The following NELL1 variants were observed in gnomAD, a reference collection of about 807,000 sequenced individuals.
NELL1 encodes the protein neural EGFL like 1, also known as protein kinase C-binding protein NELL1.
Under a neutral mutation model 107.4 loss-of-function variants are expected in NELL1, and 76 were observed. That is an observed-to-expected ratio of 0.71 (90% CI 0.59 to 0.86). The LOEUF (loss-of-function observed/expected upper bound fraction) is 0.86. Ranked by LOEUF, NELL1 falls within the 40% of genes least tolerant of loss-of-function variation. The pLI, the probability that NELL1 is intolerant of heterozygous loss-of-function variation, is 0.00. For missense variants in NELL1, 1,024 were observed against 1,005.5 expected, an observed-to-expected ratio of 1.02 and a Z score of -0.25; for synonymous variants, 353 against 341.2, an observed-to-expected ratio of 1.03 and a Z score of -0.38.
intron 3 of NELL1, among the ~76,000 whole-genome samples, chr11:20,797,564 T>G (rs1440194770): frequency 5.3e-5 from 1 of 18,752 alleles, no homozygotes. Context: ...AGACTCCATC[T>G]CAAAAAAAAA....
rs1489825676 is a variant in NELL1 at position 20,717,909 on chromosome 11, C to T, written c.184+39849C>T. 2.0e-5 allele frequency among the ~76,000 whole-genome samples: 3 copies of T among 152,118 alleles called. No individual in the cohort carries two copies. The East Asian group carries it at 5.8e-4, about 29-fold the overall frequency. Reference sequence around the variant, plus strand: ...AGTGCATATGTTGGTGTTAGTGTAGCCCCTGTCACAATATTAACTTGTAGT... The same window carrying T: ...AGTGCATATGTTGGTGTTAGTGTAGTCCCTGTCACAATATTAACTTGTAGT... On this transcript the variant is annotated intron_variant, in intron 2 of 19. Coordinates refer to ENST00000357134, the MANE Select transcript of NELL1 (RefSeq NM_006157.5).
At chr11:20,746,642 G>A (rs935735630) in intron 2 of NELL1, among the ~76,000 whole-genome samples, 5 of 151,340 alleles carry the variant, frequency 3.3e-5, no homozygotes, top group Non-Finnish European at 5.9e-5. Context: ...TCATCCTATT[G>A]TTTTTGCCAA....
intron 14 of NELL1, among the ~76,000 whole-genome samples, chr11:21,327,431 T>C (rs1340558868): frequency 1.3e-5 from 2 of 152,112 alleles, no homozygotes; most frequent in African/African-American, 4.8e-5. Context: ...GAAGGATGTG[T>C]TTCCTTCCCC....
chr11:20,689,451 A>G (rs1204884605), intron 2 of NELL1, among the ~76,000 whole-genome samples: 3 of 95,870 alleles, frequency 3.1e-5, no homozygotes, highest in African/African-American at 8.3e-5. Flanking sequence ...CCACCCCACA[A>G]CAGTCCCCAG....
At chr11:21,387,203 G>A (rs927639107) in intron 15 of NELL1, among the ~76,000 whole-genome samples, 7 of 151,762 alleles carry the variant, frequency 4.6e-5, no homozygotes, top group South Asian at 2.1e-4. Context: ...TCACTCATTA[G>A]TAAGGCATTT....
chr11:21,518,270 A>T (rs1358030964), intron 15 of NELL1, among the ~76,000 whole-genome samples: 1 of 152,168 alleles, frequency 6.6e-6, no homozygotes, highest in Non-Finnish European at 1.5e-5. Flanking sequence ...CCTTTACACA[A>T]CATGAAAGAA....
At chr11:20,897,895 G>A (rs922242607) in intron 5 of NELL1, among the ~76,000 whole-genome samples, 13 of 152,040 alleles carry the variant, frequency 8.6e-5, no homozygotes, top group Admixed American at 5.9e-4. Context: ...TTAGTATGGC[G>A]ATCATTAAAA....
chr11:21,431,010 A>G (rs73459546), intron 15 of NELL1, among the ~76,000 whole-genome samples: 2,386 of 152,280 alleles, frequency 0.016, 62 homozygotes, highest in African/African-American at 0.054. Context: ...AAGAAAAAAA[A>G]TCTTTGGGTG....
At chr11:21,342,771 G>A (rs1850603339) in intron 14 of NELL1, among the ~76,000 whole-genome samples, 1 of 152,024 alleles carries the variant, frequency 6.6e-6, no homozygotes, top group African/African-American at 2.4e-5. Context: ...ACTTAGCATT[G>A]TGTCTGGTGC....
intron 12 of NELL1, among the ~76,000 whole-genome samples, chr11:21,106,027 G>C (rs996362337): frequency 7.2e-6 from 1 of 139,124 alleles, no homozygotes; most frequent in Non-Finnish European, 1.5e-5. Context: ...AATGCTCCTT[G>C]TGATAACATG....
intron 17 of NELL1, among the ~76,000 whole-genome samples, chr11:21,567,962 G>A (rs981551102): frequency 6.6e-6 from 1 of 151,758 alleles, no homozygotes; most frequent in Non-Finnish European, 1.5e-5. Flanking sequence ...TCTTCATTAA[G>A]CTCAATATTA....
At chr11:21,248,026 G>T (rs1858538255) in intron 14 of NELL1, among the ~76,000 whole-genome samples, 1 of 152,192 alleles carries the variant, frequency 6.6e-6, no homozygotes, top group Admixed American at 6.5e-5. Flanking sequence ...AATTTTAAAA[G>T]TTATAGCCAG....
chr11:21,121,441 C>A (rs1029252296), intron 13 of NELL1, among the ~76,000 whole-genome samples: 7 of 152,096 alleles, frequency 4.6e-5, no homozygotes, highest in Non-Finnish European at 1.0e-4. Flanking sequence ...GAATCTTTAA[C>A]TGTGACATTG....
chr11:21,406,874 A>G (rs1245677155), intron 15 of NELL1, among the ~76,000 whole-genome samples: 4 of 152,024 alleles, frequency 2.6e-5, no homozygotes, highest in African/African-American at 9.7e-5. Flanking sequence ...ACAGTAAATT[A>G]TTGTTAACTA....
At chr11:20,861,908 T>A (rs941882656) in intron 4 of NELL1, among the ~76,000 whole-genome samples, 10 of 152,190 alleles carry the variant, frequency 6.6e-5, no homozygotes, top group African/African-American at 2.4e-4. Context: ...CCTCAAGTGA[T>A]TGTGAGAATT....
intron 5 of NELL1, among the ~76,000 whole-genome samples, chr11:20,901,245 G>A (rs1237940240): frequency 3.3e-5 from 5 of 152,068 alleles, no homozygotes; most frequent in Non-Finnish European, 5.9e-5. Context: ...AAGAGTACTA[G>A]ATGTAAAGCC....
At chr11:21,030,320 A>T (rs1852921529) in intron 12 of NELL1, among the ~76,000 whole-genome samples, 1 of 152,152 alleles carries the variant, frequency 6.6e-6, no homozygotes, top group Non-Finnish European at 1.5e-5. Context: ...CTGTATGGGT[A>T]GTTTGCACTT....
chr11:20,816,743 GT>G (rs1158628335), intron 3 of NELL1, among the ~76,000 whole-genome samples: 1 of 152,078 alleles, frequency 6.6e-6, no homozygotes, highest in Non-Finnish European at 1.5e-5. Context: ...TACCTCCAGT[GT>G]TTACCTGTTC....
At chr11:21,453,938 T>A in intron 15 of NELL1, among the ~76,000 whole-genome samples, 1 of 51,916 alleles carries the variant, frequency 1.9e-5, no homozygotes, top group South Asian at 6.2e-4. Context: ...ATTATTATAC[T>A]TTACTTTACT....
Sources: allele counts gnomAD v4.1 joint callset (sites outside exome capture counted in the v4.1 genomes callset), GRCh38; gene constraint gnomAD v4.1.1; transcripts MANE v1.5; gene names NCBI Gene and HGNC (gene_info 2026-07-23, HGNC 2026-07-21).